The following HACD3 variants were observed in gnomAD, a reference collection of about 807,000 sequenced individuals.
HACD3 encodes the protein very-long-chain (3R)-3-hydroxyacyl-CoA dehydratase 3.
A neutral mutation model predicts 55.2 loss-of-function variants in HACD3; 30 were observed. The ratio of observed to expected loss-of-function variants is 0.54; its 90% CI spans 0.41 to 0.74. HACD3 has a LOEUF of 0.74. Among genes scored for constraint, HACD3 ranks in the 30% least tolerant of loss-of-function variants. The pLI, the probability that HACD3 is intolerant of heterozygous loss-of-function variation, is 0.00. For missense variants in HACD3, 363 were observed against 440.1 expected (o/e 0.82, Z 1.57); for synonymous variants, 141 against 151.7 (o/e 0.93, Z 0.52).
At chr15:65,572,160 A>G (rs144362815) in intron 9 of HACD3, 75 bp from the exon 10 acceptor site, 1,045 of 1,566,088 alleles carry the variant, frequency 6.7e-4, no homozygotes, top group Non-Finnish European at 8.5e-4. Context: ...ACTTTAGAGT[A>G]CTAGGACTGG....
chr15:65,553,726 C>T (rs533983657), intron 2 of HACD3, among the ~76,000 whole-genome samples: 10 of 152,298 alleles, frequency 6.6e-5, no homozygotes, highest in South Asian at 4.1e-4. Context: ...AGGAATTTAT[C>T]GTCACAGAGA....
intron 1 of HACD3, among the ~76,000 whole-genome samples, chr15:65,550,434 A>C (rs2072121179): frequency 6.6e-6 from 1 of 152,184 alleles, no homozygotes; most frequent in Admixed American, 6.5e-5. Flanking sequence ...AAATTCCAAG[A>C]AATAAAGACA....
chr15:65,558,103 G>A (rs1408780163), intron 4 of HACD3, among the ~76,000 whole-genome samples: 2 of 152,108 alleles, frequency 1.3e-5, no homozygotes, highest in South Asian at 2.1e-4. Flanking sequence ...TGGGTGCCGG[G>A]TATGCTCATT....
At chr15:65,536,373 T>C (rs2071955365) in intron 1 of HACD3, among the ~76,000 whole-genome samples, 1 of 152,194 alleles carries the variant, frequency 6.6e-6, no homozygotes, top group Admixed American at 6.5e-5. Flanking sequence ...ATGTATGTGT[T>C]CTGACTGCTC....
intron 7 of HACD3, among the ~76,000 whole-genome samples, chr15:65,568,027 A>G (rs923499620): frequency 2.0e-5 from 3 of 151,688 alleles, no homozygotes; most frequent in South Asian, 2.1e-4. Context: ...GGTTCACGCA[A>G]TTCTCCTACC....
intron 2 of HACD3, chr15:65,551,934 T>G: frequency 2.1e-6 from 1 of 470,674 alleles, no homozygotes; most frequent in Non-Finnish European, 3.7e-6. Context: ...AGGCAGTAGA[T>G]ACAGTGAAGG....
Position 65,563,589 on chromosome 15 carries a change from C to T in HACD3, c.533-626C>T, listed in dbSNP as rs576345667. On this transcript the variant is annotated intron_variant, in intron 6 of 10. Transcript: ENST00000261875. ...CAGGCTGAAGTGGAAGGATCTCTTG[C>T]GCCCAGGAGGTTGAAGCTGCAGTAA... 1.6e-3 allele frequency among the ~76,000 whole-genome samples: 243 copies of T among 152,212 alleles called. 1 individual carries two copies. Among genetic ancestry groups the T allele is most frequent in the African/African-American group, 4.5e-3 (185 of 41,522 alleles).
intron 6 of HACD3, among the ~76,000 whole-genome samples, chr15:65,563,563 A>C (rs2072263170): frequency 6.6e-6 from 1 of 152,168 alleles, no homozygotes; most frequent in Non-Finnish European, 1.5e-5. Flanking sequence ...CAGCACTTTA[A>C]CAGGCTGAAG....
At chr15:65,551,984 G>A (rs915976362) in intron 2 of HACD3, 9 of 372,400 alleles carry the variant, frequency 2.4e-5, no homozygotes, top group Non-Finnish European at 2.4e-5. Context: ...ATCAGGAGAC[G>A]TGTCTTCTAG....
At position 65,535,238 on chromosome 15, in the gene HACD3, A is replaced by G. The variant is rs145136795; in HGVS notation, c.87+4520A>G. Among the ~76,000 whole-genome samples, 518 of 152,358 alleles carry G rather than the reference A, an allele frequency of 3.4e-3. 3 individuals carry two copies. Among genetic ancestry groups the G allele is most frequent in the African/African-American group, 0.012 (499 of 41,574 alleles). ...AAGATGCACAAAACACAAACCCTAA[A>G]GACAAAGATTGGCACATTTAAGACA... On this transcript the variant is annotated intron_variant, in intron 1 of 10. Coordinates refer to ENST00000261875, the MANE Select transcript of HACD3 (RefSeq NM_016395.4).
intron 9 of HACD3, 139 bp downstream of exon 9, chr15:65,571,793 C>G: frequency 1.5e-6 from 1 of 685,932 alleles, no homozygotes; most frequent in Non-Finnish European, 2.4e-6. Flanking sequence ...CATGGGCTTC[C>G]TTCCATAATA....
At chr15:65,564,392 G>A (rs759910319) in intron 7 of HACD3, 50 bp downstream of exon 7, 21 of 1,588,164 alleles carry the variant, frequency 1.3e-5, no homozygotes, top group Admixed American at 1.7e-5. Flanking sequence ...CCCATTATTT[G>A]TCTAGTGGGT....
At chr15:65,534,913 A>G (rs776937631) in intron 1 of HACD3, among the ~76,000 whole-genome samples, 14 of 152,202 alleles carry the variant, frequency 9.2e-5, no homozygotes, top group Non-Finnish European at 2.1e-4. Flanking sequence ...CTTAGATGAG[A>G]GGGATGGTCA....
chr15:65,535,632 G>T (rs2071946496), intron 1 of HACD3: 1 of 400,868 alleles, frequency 2.5e-6, no homozygotes, highest in Non-Finnish European at 4.4e-6. Flanking sequence ...TCTTGGAATA[G>T]TTCAGATTTT....
At chr15:65,558,605 A>G (rs1023502169) in intron 4 of HACD3, 75 bp from the exon 5 acceptor site, 8 of 1,406,868 alleles carry the variant, frequency 5.7e-6, no homozygotes, top group African/African-American at 1.4e-5. Flanking sequence ...CAGATTACTC[A>G]GCCAGCATAT....
chr15:65,556,732 C>T lies in HACD3; in HGVS notation c.205-7C>T, dbSNP rs1158801586. 1.9e-6 allele frequency: 3 copies of T among 1,603,442 alleles called. No homozygotes were observed. Among genetic ancestry groups the T allele is most frequent in the Non-Finnish European group, 2.6e-6 (3 of 1,172,888 alleles). On this transcript the variant is annotated splice_polypyrimidine_tract_variant and splice_region_variant and intron_variant, in intron 3 of 10. Coordinates refer to ENST00000261875, the MANE Select transcript of HACD3 (RefSeq NM_016395.4). ...GGGCATTCTCACATTTTCACTTTCT[C>T]TCCTAGCCTGTTTACAAACTGACCC...
chr15:65,556,889 G>T lies in HACD3; in HGVS notation c.355G>T (p.Glu119Ter). The T allele has an allele frequency of 6.2e-7, 1 of 1,612,264 alleles. No homozygotes were observed. Among genetic ancestry groups the T allele is most frequent in the South Asian group, 1.1e-5 (1 of 90,520 alleles). ...RWLDESDAEM[E>*]LRAKEEERLN... Reference sequence around the variant, plus strand: ...GCTGGATGAATCTGATGCGGAAATGGAGCTCAGAGCTAAGGTTAGTAAGGA... The same window carrying T: ...GCTGGATGAATCTGATGCGGAAATGTAGCTCAGAGCTAAGGTTAGTAAGGA... Residue 119 changes from glutamate to a stop codon, truncating the protein, a stop_gained, in exon 4 of 11, where the codon GAG becomes TAG. Transcript: ENST00000261875. LOFTEE classifies it high-confidence loss of function.
intron 8 of HACD3, among the ~76,000 whole-genome samples, chr15:65,570,898 G>T (rs2072341414): frequency 6.6e-6 from 1 of 152,124 alleles, no homozygotes; most frequent in Non-Finnish European, 1.5e-5. Flanking sequence ...CATGGTCTGT[G>T]TCCCATGGCA....
intron 6 of HACD3, 129 bp downstream of exon 6, chr15:65,563,013 GT>G: frequency 7.2e-7 from 1 of 1,390,370 alleles, no homozygotes; most frequent in Non-Finnish European, 9.6e-7. Context: ...TCTACTTTTC[GT>G]TGTGCTTTCA....
Sources: allele counts gnomAD v4.1 joint callset (sites outside exome capture counted in the v4.1 genomes callset), GRCh38; gene constraint gnomAD v4.1.1; transcripts MANE v1.5; gene names NCBI Gene and HGNC (gene_info 2026-07-23, HGNC 2026-07-21).